The following ARHGEF3 variants were observed in gnomAD, a reference collection of about 807,000 sequenced individuals.
ARHGEF3 encodes the protein 59.8 kDA protein.
A neutral mutation model predicts 63.2 loss-of-function variants in ARHGEF3; 28 were observed. That is an observed-to-expected ratio of 0.44 (90% CI 0.33 to 0.61). The LOEUF (loss-of-function observed/expected upper bound fraction) is 0.61. ARHGEF3 is among the 20% of genes least tolerant of loss of function. ARHGEF3 has a pLI of 0.03. For synonymous variants in ARHGEF3, 266 were observed against 254.2 expected (o/e 1.05, Z -0.44); for missense variants, 533 against 659.3 (o/e 0.81, Z 2.10).
At chr3:56,845,223 T>C (rs1193064400) in intron 4 of ARHGEF3, among the ~76,000 whole-genome samples, 8 of 152,352 alleles carry the variant, frequency 5.3e-5, no homozygotes, top group Admixed American at 2.6e-4. Flanking sequence ...AACGCCTTGA[T>C]TGCAGCCTTG....
chr3:56,995,644 AG>A, intron 2 of ARHGEF3, among the ~76,000 whole-genome samples: 1 of 109,278 alleles, frequency 9.2e-6, no homozygotes, highest in Non-Finnish European at 2.0e-5. Context: ...AGAGAGAGAG[AG>A]AGAGAGAGAG....
intron 2 of ARHGEF3, among the ~76,000 whole-genome samples, chr3:56,996,884 ATTATTAT>A (rs1276411127): frequency 9.4e-6 from 1 of 105,928 alleles, no homozygotes; most frequent in African/African-American, 3.2e-5. Flanking sequence ...TATTATTATT[ATTATTAT>A]TTTTTTTTTT....
chr3:56,884,625 C>T (rs1252512589), intron 3 of ARHGEF3, among the ~76,000 whole-genome samples: 1 of 152,200 alleles, frequency 6.6e-6, no homozygotes, highest in Admixed American at 6.5e-5. Flanking sequence ...CAAGCTCACC[C>T]AGTGACTTTT....
At chr3:56,902,484 GA>G (rs980481062) in intron 3 of ARHGEF3, among the ~76,000 whole-genome samples, 2 of 152,212 alleles carry the variant, frequency 1.3e-5, no homozygotes, top group African/African-American at 4.8e-5. Flanking sequence ...GCCACCCACA[GA>G]ACTGTACCCC....
At chr3:56,863,025 C>T (rs908379502) in intron 4 of ARHGEF3, among the ~76,000 whole-genome samples, 8 of 152,048 alleles carry the variant, frequency 5.3e-5, no homozygotes, top group African/African-American at 1.9e-4. Flanking sequence ...ACAGTGGTGC[C>T]CCCTAACCAT....
rs2032923158 is a variant in ARHGEF3 at position 56,729,178 on chromosome 3, G to A, written c.*92C>T. Reference sequence around the variant, plus strand: ...AACATGTATACTTTCACAAAAGTATGAAAAAGTGCTTCTCCAAACCGTTCC... The same window carrying A: ...AACATGTATACTTTCACAAAAGTATAAAAAAGTGCTTCTCCAAACCGTTCC... On this transcript the variant is annotated 3_prime_UTR_variant, in exon 10 of 10. Coordinates refer to ENST00000296315, the MANE Select transcript of ARHGEF3 (RefSeq NM_019555.3). The A allele has an allele frequency of 8.7e-7, 1 of 1,153,312 alleles. No individual in the cohort carries two copies. The highest frequency in any genetic ancestry group is 1.6e-5 in the African/African-American group (1 of 63,324). 71.4% of individuals were successfully genotyped at this position (1,153,312 alleles called of 1,614,324 possible). A position where few individuals can be genotyped will look rare whatever the true frequency, so the allele number is the denominator to read the frequency against.
At chr3:56,907,489 T>C (rs775900867) in intron 3 of ARHGEF3, among the ~76,000 whole-genome samples, 2 of 152,136 alleles carry the variant, frequency 1.3e-5, no homozygotes, top group Non-Finnish European at 2.9e-5. Context: ...AACAGAAATA[T>C]CATTCAACCC....
rs756906779 is a variant in ARHGEF3, at chr3:56,729,321, T to C, written c.1530A>G (p.Glu510=). The C allele has an allele frequency of 6.2e-7, 1 of 1,614,152 alleles. No individual in the cohort carries two copies. Among genetic ancestry groups the C allele is most frequent in the Non-Finnish European group, 8.5e-7 (1 of 1,180,020 alleles). Residue 510 remains glutamate (E), a synonymous_variant, in exon 10 of 10, where the codon GAA becomes GAG. Coordinates refer to ENST00000296315, the MANE Select transcript of ARHGEF3 (RefSeq NM_019555.3). Reference sequence around the variant, plus strand: ...TGTTTCCACAGGAAGAGTCTGTCTGTTCCATGCGCTCACAGTCGAGGCTGA... The same window carrying C: ...TGTTTCCACAGGAAGAGTCTGTCTGCTCCATGCGCTCACAGTCGAGGCTGA... ...SEVSLDCERM[E]QTDSSCGNSR... is the part of the protein sequence containing the mutation.
At chr3:56,737,422 G>T (rs1487092503) in intron 7 of ARHGEF3, 67 bp from the exon 8 acceptor site, 2 of 1,391,022 alleles carry the variant, frequency 1.4e-6, no homozygotes, top group South Asian at 1.3e-5. Flanking sequence ...AAGTCTTAGG[G>T]GCTCAGCCTA....
intron 6 of ARHGEF3, among the ~76,000 whole-genome samples, chr3:56,747,062 C>G (rs1418367324): frequency 1.6e-5 from 2 of 125,980 alleles, no homozygotes; most frequent in East Asian, 5.4e-4. Context: ...CGCACACACA[C>G]ACAGAGAGAG....
At chr3:56,968,249 T>A (rs1487537729) in intron 2 of ARHGEF3, among the ~76,000 whole-genome samples, 2 of 44,934 alleles carry the variant, frequency 4.5e-5, no homozygotes, top group Non-Finnish European at 8.5e-5. Context: ...TATATATTAA[T>A]ATATAATATT....
At chr3:56,867,934 G>A (rs1422309580) in intron 4 of ARHGEF3, among the ~76,000 whole-genome samples, 1 of 152,098 alleles carries the variant, frequency 6.6e-6, no homozygotes, top group East Asian at 1.9e-4. Context: ...TGTGATTCTG[G>A]CTCTATTTAT....
rs770710162 is a variant in ARHGEF3 at position 56,773,716 on chromosome 3, G to A, written c.197C>T (p.Thr66Ile). Residue 66 changes from threonine to isoleucine, a missense_variant, in exon 2 of 10, where the codon ACC (threonine) becomes ATC (isoleucine). By Grantham distance (89) the Thr-to-Ile change is moderately conservative. Around this residue, in one of 4 missense-constraint regions of ARHGEF3, gnomAD observed 160 missense variants for 157.3 expected, o/e 1.02. Transcript: ENST00000296315. ...KATPLKRFSQ[T>I]LQRSISFRSE... ...CCTGTGTGCCCTTCTTACCTGCAGG[G>A]TTTGACTGAAGCGCTTTAATGGCGT... 3 of 1,583,376 alleles carry A rather than the reference G, an allele frequency of 1.9e-6. No homozygotes were observed. The highest frequency in any genetic ancestry group is 2.6e-6 in the Non-Finnish European group (3 of 1,169,814).
intron 3 of ARHGEF3, among the ~76,000 whole-genome samples, chr3:56,920,760 C>T (rs2042105817): frequency 6.6e-6 from 1 of 152,136 alleles, no homozygotes; most frequent in South Asian, 2.1e-4. Context: ...GTAAAAAAAT[C>T]TCATGGCCAA....
At chr3:56,936,587 G>A (rs1309005463) in intron 3 of ARHGEF3, among the ~76,000 whole-genome samples, 1 of 152,162 alleles carries the variant, frequency 6.6e-6, no homozygotes, top group East Asian at 1.9e-4. Context: ...CTGCCCAAAA[G>A]TGTTTAACCT....
chr3:56,775,069 TG>T, intron 1 of ARHGEF3: 2 of 1,551,468 alleles, frequency 1.3e-6, no homozygotes, highest in Non-Finnish European at 1.7e-6. Context: ...CAAATTTTGA[TG>T]GGCAAAGCCA....
intron 2 of ARHGEF3, among the ~76,000 whole-genome samples, chr3:56,968,587 C>G (rs1024912269): frequency 6.6e-6 from 1 of 150,442 alleles, no homozygotes; most frequent in Non-Finnish European, 1.5e-5. Flanking sequence ...CCTCAGCCTC[C>G]CAAAGTGCTA....
intron 1 of ARHGEF3, among the ~76,000 whole-genome samples, chr3:56,795,271 A>T (rs1390950632): frequency 6.6e-6 from 1 of 152,154 alleles, no homozygotes; most frequent in Non-Finnish European, 1.5e-5. Context: ...GGCAGCAGAT[A>T]AGAATTGGGC....
At chr3:57,061,599 T>C (rs552095448) in intron 1 of ARHGEF3, among the ~76,000 whole-genome samples, 4 of 152,246 alleles carry the variant, frequency 2.6e-5, no homozygotes, top group South Asian at 4.1e-4. Flanking sequence ...GCTGGGAACA[T>C]GGGAATGCAA....
Sources: gnomAD v4.1 joint callset for allele counts (sites outside exome capture counted in the v4.1 genomes callset) on GRCh38, gnomAD v4.1.1 for gene constraint, gnomAD v4.1.1 regional missense constraint, MANE v1.5 for transcripts, NCBI Gene and HGNC (gene_info 2026-07-23, HGNC 2026-07-21) for gene names.